Variants in KIF6 observed in about 807,000 individuals in gnomAD.
KIF6 encodes the protein kinesin-like protein KIF6.
KIF6 carries 106 observed loss-of-function variants against 112.7 expected under a neutral mutation model. The observed-to-expected ratio is 0.94, with a 90% CI of 0.80 to 1.11. The LOEUF (loss-of-function observed/expected upper bound fraction) is 1.11. Ranked by LOEUF, KIF6 falls within the 50% of genes least tolerant of loss-of-function variation. The pLI is 0.00. For missense variants in KIF6, 929 were observed against 964.0 expected, an observed-to-expected ratio of 0.96 and a Z score of 0.48; for synonymous variants, 339 against 339.9, an observed-to-expected ratio of 1.00 and a Z score of 0.03.
intron 3 of KIF6, among the ~76,000 whole-genome samples, chr6:39,655,143 G>A (rs1428759381): frequency 1.3e-5 from 2 of 152,110 alleles, no homozygotes; most frequent in East Asian, 3.8e-4. Flanking sequence ...TTTGATGAAA[G>A]AGATATTTCT....
chr6:39,467,899 A>C (rs150625513), intron 13 of KIF6, among the ~76,000 whole-genome samples: 1 of 152,336 alleles, frequency 6.6e-6, no homozygotes, highest in East Asian at 1.9e-4. Context: ...TGCTTAAAGA[A>C]GTAAAGGTTT....
intron 15 of KIF6, among the ~76,000 whole-genome samples, chr6:39,399,381 G>A (rs762955108): frequency 2.9e-4 from 44 of 152,184 alleles, no homozygotes; most frequent in Non-Finnish European, 4.6e-4. Flanking sequence ...ACAACAATGA[G>A]GGAAAGACAC....
intron 3 of KIF6, among the ~76,000 whole-genome samples, chr6:39,687,502 ATCATTCTT>A (rs1787945042): frequency 1.3e-5 from 2 of 152,348 alleles, no homozygotes; most frequent in Non-Finnish European, 2.9e-5. Context: ...ATCAAAGAGT[ATCATTCTT>A]TCATTCTTTC....
intron 16 of KIF6, among the ~76,000 whole-genome samples, chr6:39,385,126 T>C (rs537397695): frequency 1.3e-5 from 2 of 152,360 alleles, no homozygotes; most frequent in South Asian, 2.1e-4. Flanking sequence ...ACTGGCTACA[T>C]GACCTTGGGA....
intron 9 of KIF6, among the ~76,000 whole-genome samples, chr6:39,582,296 T>A (rs1343409714): frequency 6.6e-6 from 1 of 152,212 alleles, no homozygotes; most frequent in Non-Finnish European, 1.5e-5. Flanking sequence ...ATTAGAGACA[T>A]CCTTAGGAGA....
chr6:39,378,024 CT>C lies in KIF6; in HGVS notation c.1861+7597del, dbSNP rs903507934. ...GTTGATCTTAAGTTTAAGATATTTT[CT>C]TTTTTTAATTAATACTATCAGTATA... On this transcript the variant is annotated intron_variant, in intron 16 of 22. Coordinates refer to ENST00000287152, the MANE Select transcript of KIF6 (RefSeq NM_145027.6). The surrounding 1 kb of genome is among the most constrained non-coding windows in gnomAD (Gnocchi z 5.0). Among the ~76,000 whole-genome samples the C allele has an allele frequency of 2.4e-4, 36 of 152,212 alleles. No individual in the cohort carries two copies. The highest frequency in any genetic ancestry group is 2.2e-3 in the Admixed American group (33 of 15,290).
chr6:39,373,586 G>A (rs1300096463), intron 16 of KIF6, among the ~76,000 whole-genome samples: 2 of 151,518 alleles, frequency 1.3e-5, no homozygotes, highest in African/African-American at 4.9e-5. Context: ...CAAACTATCC[G>A]AAAGAGAAAT....
intron 10 of KIF6, among the ~76,000 whole-genome samples, chr6:39,576,700 G>C (rs184061882): frequency 3.9e-5 from 6 of 152,222 alleles, no homozygotes; most frequent in African/African-American, 1.4e-4. Flanking sequence ...CTTAGGTTCT[G>C]GTATCATCAC....
chr6:39,509,629 C>T (rs571198047), intron 13 of KIF6, among the ~76,000 whole-genome samples: 1 of 152,152 alleles, frequency 6.6e-6, no homozygotes, highest in Non-Finnish European at 1.5e-5. Flanking sequence ...GAAAGGATAT[C>T]AGTGATTGAA....
chr6:39,467,691 G>T (rs1773874239), intron 13 of KIF6, among the ~76,000 whole-genome samples: 2 of 152,112 alleles, frequency 1.3e-5, no homozygotes, highest in African/African-American at 4.8e-5. Context: ...GGTGGGTGGG[G>T]ATCAATATCT....
At chr6:39,478,637 T>C (rs796830131) in intron 13 of KIF6, among the ~76,000 whole-genome samples, 73 of 152,258 alleles carry the variant, frequency 4.8e-4, no homozygotes, top group African/African-American at 1.7e-3. Context: ...GTGGTTGTTC[T>C]AGTTTACATT....
intron 3 of KIF6, among the ~76,000 whole-genome samples, chr6:39,665,824 A>T (rs1786433660): frequency 6.6e-6 from 1 of 152,142 alleles, no homozygotes; most frequent in African/African-American, 2.4e-5. Flanking sequence ...ATGCACAAAC[A>T]TGAAGAGTGT....
chr6:39,724,101 TAAGA>T (rs1301157265), intron 1 of KIF6, among the ~76,000 whole-genome samples: 1 of 152,162 alleles, frequency 6.6e-6, no homozygotes, highest in Non-Finnish European at 1.5e-5. Flanking sequence ...TCAAGATACA[TAAGA>T]ATGACTATGC....
intron 22 of KIF6, among the ~76,000 whole-genome samples, chr6:39,337,187 C>CTTTCTTTCTTTCTT (rs1763035115): frequency 1.2e-5 from 1 of 85,118 alleles, no homozygotes; most frequent in African/African-American, 9.0e-5. Flanking sequence ...TTCTTTCTTT[C>CTTTCTTTCTTTCTT]TTTCTTTCTT....
intron 13 of KIF6, among the ~76,000 whole-genome samples, chr6:39,525,155 AT>A (rs1777639388): frequency 6.6e-6 from 1 of 151,806 alleles, no homozygotes; most frequent in African/African-American, 2.4e-5. Context: ...AATTTTTTTT[AT>A]TTTTTAGAAA....
intron 17 of KIF6, among the ~76,000 whole-genome samples, chr6:39,361,199 AG>A: frequency 6.6e-6 from 1 of 152,286 alleles, no homozygotes; most frequent in East Asian, 1.9e-4. Context: ...TTGGCCTCTA[AG>A]GTGACACTGA....
chr6:39,478,382 T>G (rs1279958002), intron 13 of KIF6, among the ~76,000 whole-genome samples: 2 of 152,248 alleles, frequency 1.3e-5, no homozygotes, highest in Non-Finnish European at 2.9e-5. Context: ...ATTCTTTCTT[T>G]TTATGGCTGA....
intron 18 of KIF6, 92 bp downstream of exon 18, chr6:39,360,303 T>C: frequency 2.8e-6 from 4 of 1,441,906 alleles, no homozygotes; most frequent in Admixed American, 4.0e-5. Context: ...TGGGGGCCTG[T>C]GGGTCAAAGC....
chr6:39,544,431 T>C, intron 12 of KIF6, 124 bp downstream of exon 12: 1 of 989,306 alleles, frequency 1.0e-6, no homozygotes, highest in African/African-American at 1.6e-5. Context: ...GACTTCTCAA[T>C]GGAAAGAAGC....
Sources: gnomAD v4.1 joint callset for allele counts (sites outside exome capture counted in the v4.1 genomes callset) on GRCh38, gnomAD v4.1.1 for gene constraint, Gnocchi (gnomAD v3.1) non-coding constraint, MANE v1.5 for transcripts, NCBI Gene and HGNC (gene_info 2026-07-23, HGNC 2026-07-21) for gene names.